The following RORB variants were observed in gnomAD, a reference collection of about 807,000 sequenced individuals.
RORB encodes RAR related orphan receptor B, also known as nuclear receptor ROR-beta.
A neutral mutation model predicts 59.1 loss-of-function variants in RORB; 6 were observed. The ratio of observed to expected loss-of-function variants is 0.10; its 90% CI spans 0.06 to 0.20. The LOEUF is 0.20. Ranked by LOEUF, RORB falls within the 10% of genes least tolerant of loss-of-function variation. The pLI is 1.00. For missense variants in RORB, 320 were observed against 560.5 expected (o/e 0.57, Z 4.33); for synonymous variants, 215 against 204.5 (o/e 1.05, Z -0.44).
Position 74,542,785 on chromosome 9 carries a change from A to C in RORB, c.7+44802A>C, listed in dbSNP as rs780251015. On this transcript the variant is annotated intron_variant, in intron 1 of 9. Transcript: ENST00000376896. ...AGGATCTCCCAAGAACACATTTCTCAATCTTGTTTCTCAGGGTCTACTTAA... is the reference window on the plus strand; with the variant it reads ...AGGATCTCCCAAGAACACATTTCTCCATCTTGTTTCTCAGGGTCTACTTAA... 6.2e-4 allele frequency among the ~76,000 whole-genome samples: 94 copies of C among 152,164 alleles called. 1 individual carries two copies. Among genetic ancestry groups the C allele is most frequent in the Non-Finnish European group, 1.0e-3 (70 of 68,018 alleles).
intron 1 of RORB, among the ~76,000 whole-genome samples, chr9:74,582,427 C>T (rs1822738132): frequency 6.6e-6 from 1 of 152,114 alleles, no homozygotes. Context: ...CTAGGAATGG[C>T]AGATAAGGAA....
At chr9:74,601,633 G>A (rs1165460519) in intron 1 of RORB, among the ~76,000 whole-genome samples, 1 of 152,114 alleles carries the variant, frequency 6.6e-6, no homozygotes, top group Non-Finnish European at 1.5e-5. Flanking sequence ...AAAGCTTCCT[G>A]TGAGATTTCC....
intron 8 of RORB, 116 bp downstream of exon 8, chr9:74,668,017 C>A (rs1824294553): frequency 3.1e-6 from 2 of 647,194 alleles, no homozygotes; most frequent in South Asian, 1.8e-5. Context: ...GCTATATTTT[C>A]TTTACCAAGT....
chr9:74,637,255 G>T (rs1036968956), intron 3 of RORB, among the ~76,000 whole-genome samples: 1 of 152,190 alleles, frequency 6.6e-6, no homozygotes, highest in African/African-American at 2.4e-5. Context: ...TAGGCTCCAA[G>T]AATGTTTATT....
At chr9:74,516,174 ACCAT>A in intron 1 of RORB, among the ~76,000 whole-genome samples, 1 of 152,194 alleles carries the variant, frequency 6.6e-6, no homozygotes, top group Non-Finnish European at 1.5e-5. Flanking sequence ...GATAGATAAT[ACCAT>A]CATCGTAGGC....
At chr9:74,636,740 T>C (rs1365199756) in intron 3 of RORB, among the ~76,000 whole-genome samples, 3 of 151,536 alleles carry the variant, frequency 2.0e-5, no homozygotes, top group Non-Finnish European at 4.4e-5. Flanking sequence ...GTGAAATTTA[T>C]CATGAGGAGA....
In RORB at chr9:74,532,678, G is replaced by A. The variant is rs941534474; in HGVS notation, c.7+34695G>A. Among the ~76,000 whole-genome samples, 11 of 149,636 alleles carry A rather than the reference G, an allele frequency of 7.4e-5. No homozygotes were observed. The South Asian group carries it at 1.7e-3, about 23-fold the overall frequency. ...GTGTGTATACATATATTAAATATAC[G>A]TATTATATATAACTTATACATATAT... On this transcript the variant is annotated intron_variant, in intron 1 of 9. Transcript: ENST00000376896.
chr9:74,669,583 A>G (rs1319404784), intron 8 of RORB, among the ~76,000 whole-genome samples: 1 of 151,956 alleles, frequency 6.6e-6, no homozygotes, highest in Non-Finnish European at 1.5e-5. Context: ...ATGAGTCTCT[A>G]ACCAGAATGA....
chr9:74,608,463 C>T (rs1363071203), intron 1 of RORB, among the ~76,000 whole-genome samples: 1 of 150,916 alleles, frequency 6.6e-6, no homozygotes, highest in Non-Finnish European at 1.5e-5. Context: ...ACTCGGGAGG[C>T]TGAGGCAGGA....
chr9:74,596,541 G>C (rs1378947082), intron 1 of RORB, among the ~76,000 whole-genome samples: 2 of 152,156 alleles, frequency 1.3e-5, no homozygotes, highest in African/African-American at 4.8e-5. Flanking sequence ...GCTACAGGTT[G>C]TTTTGGTTAC....
chr9:74,550,616 A>G (rs967235340), intron 1 of RORB, among the ~76,000 whole-genome samples: 1 of 152,232 alleles, frequency 6.6e-6, no homozygotes, highest in Admixed American at 6.5e-5. Flanking sequence ...ACCACTTGAC[A>G]GTACATTTGA....
chr9:74,544,418 C>A (rs1476583363), intron 1 of RORB, among the ~76,000 whole-genome samples: 1 of 152,142 alleles, frequency 6.6e-6, no homozygotes, highest in African/African-American at 2.4e-5. Context: ...GGGATGTGCT[C>A]CAGTGATTGC....
chr9:74,499,860 G>A (rs1056134181), intron 1 of RORB, among the ~76,000 whole-genome samples: 1 of 152,038 alleles, frequency 6.6e-6, no homozygotes, highest in African/African-American at 2.4e-5. Context: ...TAAACTATGC[G>A]CCACCTCAGC....
chr9:74,543,278 A>G (rs1826438002), intron 1 of RORB, among the ~76,000 whole-genome samples: 10 of 152,206 alleles, frequency 6.6e-5, no homozygotes, highest in Admixed American at 6.5e-4. Flanking sequence ...CCCCAGTAGT[A>G]TCTACAGGCT....
At chr9:74,660,466 T>G in intron 4 of RORB, 151 bp from the exon 5 acceptor site, 1 of 571,018 alleles carries the variant, frequency 1.8e-6, no homozygotes, top group Admixed American at 3.3e-5. Context: ...ATAAAGAGTT[T>G]GTCTGAAGAT....
intron 1 of RORB, among the ~76,000 whole-genome samples, chr9:74,538,376 A>G (rs1219029611): frequency 6.6e-6 from 1 of 152,092 alleles, no homozygotes; most frequent in Non-Finnish European, 1.5e-5. Flanking sequence ...ACAATAAAGA[A>G]ATTTATTTGG....
At chr9:74,515,343 A>AAAACTGGAATTC (rs1418665212) in intron 1 of RORB, among the ~76,000 whole-genome samples, 1 of 151,788 alleles carries the variant, frequency 6.6e-6, no homozygotes, top group Non-Finnish European at 1.5e-5. Context: ...AGTAAATGGC[A>AAAACTGGAATTC]AAACTGGAAT....
intron 1 of RORB, among the ~76,000 whole-genome samples, chr9:74,532,353 C>T (rs999175441): frequency 2.6e-5 from 4 of 151,870 alleles, no homozygotes; most frequent in African/African-American, 9.7e-5. Flanking sequence ...CTCTAAGTTT[C>T]CCTTCCCACT....
intron 1 of RORB, among the ~76,000 whole-genome samples, chr9:74,570,505 A>C (rs1822535384): frequency 6.6e-6 from 1 of 152,308 alleles, no homozygotes; most frequent in East Asian, 1.9e-4. Flanking sequence ...GATAGAAAAG[A>C]TCGGCTTTAC....
Sources: gnomAD v4.1 joint callset for allele counts (sites outside exome capture counted in the v4.1 genomes callset) on GRCh38, gnomAD v4.1.1 for gene constraint, MANE v1.5 for transcripts, NCBI Gene and HGNC (gene_info 2026-07-23, HGNC 2026-07-21) for gene names.